Variants in LARGE1 observed in about 807,000 individuals in gnomAD.
LARGE1 encodes LARGE xylosyl- and glucuronyltransferase 1.
Under a neutral mutation model 87.6 loss-of-function variants are expected in LARGE1, and 43 were observed. The observed-to-expected ratio is 0.49, with a 90% CI of 0.38 to 0.63. LARGE1 has a LOEUF of 0.63. LARGE1 is among the 30% of genes least tolerant of loss of function. The pLI is 0.00. For missense variants in LARGE1, 802 were observed against 1,000.2 expected (o/e 0.80, Z 2.67); for synonymous variants, 434 against 394.6 (o/e 1.10, Z -1.18).
downstream of LARGE1, among the ~76,000 whole-genome samples, chr22:33,158,826 G>A (rs547116946): frequency 6.6e-6 from 1 of 152,274 alleles, no homozygotes; most frequent in African/African-American, 2.4e-5. Flanking sequence ...AGATATGGCA[G>A]ATAGAATAGG....
intron 1 of LARGE1, among the ~76,000 whole-genome samples, chr22:33,910,075 A>G (rs999513490): frequency 2.6e-5 from 4 of 152,200 alleles, no homozygotes; most frequent in South Asian, 4.1e-4. Context: ...CAGTGCACAC[A>G]TCCATTCACT....
chr22:33,770,799 C>T (rs1208344668), intron 1 of LARGE1, among the ~76,000 whole-genome samples: 1 of 151,960 alleles, frequency 6.6e-6, no homozygotes, highest in African/African-American at 2.4e-5. Flanking sequence ...ACATACAATC[C>T]CCCACATCAC....
chr22:33,397,123 C>CT (rs936358473), intron 7 of LARGE1, among the ~76,000 whole-genome samples: 8 of 151,076 alleles, frequency 5.3e-5, no homozygotes, highest in Admixed American at 1.3e-4. Context: ...TTTTTTCTTT[C>CT]TTTTTTTTTG....
intron 13 of LARGE1, among the ~76,000 whole-genome samples, chr22:33,281,615 C>G (rs763417433): frequency 2.2e-4 from 33 of 152,252 alleles, no homozygotes; most frequent in Admixed American, 1.0e-3. Flanking sequence ...AATCACGGTG[C>G]CTGGCACATG....
At chr22:33,471,544 T>G (rs891688871) in intron 6 of LARGE1, among the ~76,000 whole-genome samples, 1 of 152,164 alleles carries the variant, frequency 6.6e-6, no homozygotes, top group African/African-American at 2.4e-5. Flanking sequence ...TGTATTTTAT[T>G]TATTGCTTAT....
intron 2 of LARGE1, among the ~76,000 whole-genome samples, chr22:33,722,654 G>C (rs1020765411): frequency 6.6e-6 from 1 of 152,098 alleles, no homozygotes; most frequent in African/African-American, 2.4e-5. Flanking sequence ...GCACGTTATA[G>C]TAAGTCACCC....
At position 33,382,042 on chromosome 22, in the gene LARGE1, A is replaced by G. The variant is rs115076367; in HGVS notation, c.1008T>C (p.Asp336=). ...TTTGTTTGATGACGGCATTGAAAAT[A>G]TCCTGGGGGATGAAAGCCAAAGACA... ...GMLSTSLADQ[D]IFNAVIKQNP... Residue 336 remains aspartate, a splice_region_variant and synonymous_variant, in exon 9 of 15, where the codon GAT becomes GAC. Coordinates refer to ENST00000397394, the MANE Select transcript of LARGE1 (RefSeq NM_133642.5). The G allele has an allele frequency of 1.3e-3, 2,101 of 1,614,104 alleles. 40 individuals are homozygous for G. The East Asian group carries it at 0.037, about 29-fold the overall frequency.
At chr22:33,408,183 C>A (rs1057506445) in intron 7 of LARGE1, among the ~76,000 whole-genome samples, 1 of 151,964 alleles carries the variant, frequency 6.6e-6, no homozygotes, top group Non-Finnish European at 1.5e-5. Flanking sequence ...CGGGGTTTTG[C>A]CATGTTGGCC....
At chr22:33,120,408 T>TTCTTTCTC in the LARGE1 span, among the ~76,000 whole-genome samples, 1 of 88,370 alleles carries the variant, frequency 1.1e-5, no homozygotes, top group Non-Finnish European at 2.2e-5. Context: ...CTTTCTTTCT[T>TTCTTTCTC]TCCTTCTTTC....
At chr22:33,393,732 A>C (rs1337383442) in intron 7 of LARGE1, among the ~76,000 whole-genome samples, 1 of 152,240 alleles carries the variant, frequency 6.6e-6, no homozygotes, top group East Asian at 1.9e-4. Context: ...CTTGCCCCTG[A>C]GTGCTCTGCA....
chr22:33,776,826 G>A (rs1236896623), intron 1 of LARGE1, among the ~76,000 whole-genome samples: 1 of 152,154 alleles, frequency 6.6e-6, no homozygotes, highest in African/African-American at 2.4e-5. Flanking sequence ...AAATGATACA[G>A]GGAAGACAGC....
At chr22:33,748,837 T>C (rs948392035) in intron 2 of LARGE1, among the ~76,000 whole-genome samples, 3 of 152,188 alleles carry the variant, frequency 2.0e-5, no homozygotes, top group Non-Finnish European at 4.4e-5. Flanking sequence ...AGCTGCAGTA[T>C]GTTAGGAAGT....
chr22:33,695,358 C>G (rs2082212241), intron 2 of LARGE1, among the ~76,000 whole-genome samples: 1 of 152,186 alleles, frequency 6.6e-6, no homozygotes, highest in African/African-American at 2.4e-5. Flanking sequence ...TCCACCTTGG[C>G]CTCCCAAAGT....
chr22:33,614,081 G>GTT (rs113272301), intron 4 of LARGE1, among the ~76,000 whole-genome samples: 19 of 149,590 alleles, frequency 1.3e-4, no homozygotes, highest in African/African-American at 4.6e-4. Context: ...AAAACTGCCT[G>GTT]TTTTTTTTTT....
chr22:33,728,325 G>T (rs2083334366), intron 2 of LARGE1, among the ~76,000 whole-genome samples: 1 of 152,014 alleles, frequency 6.6e-6, no homozygotes, highest in Non-Finnish European at 1.5e-5. Flanking sequence ...GATCACTTGA[G>T]GTCAGGAGTT....
chr22:33,436,244 T>C (rs575274742), intron 6 of LARGE1, among the ~76,000 whole-genome samples: 9 of 152,354 alleles, frequency 5.9e-5, no homozygotes, highest in East Asian at 3.9e-4. Flanking sequence ...AATGACTTCA[T>C]ACATGTTAAG....
chr22:33,355,451 G>A (rs549709809), intron 9 of LARGE1, among the ~76,000 whole-genome samples: 1 of 152,274 alleles, frequency 6.6e-6, no homozygotes, highest in South Asian at 2.1e-4. Context: ...GTGTTTTGCA[G>A]CCCTTTCCTC....
intron 6 of LARGE1, among the ~76,000 whole-genome samples, chr22:33,512,524 C>T (rs1479660255): frequency 1.3e-5 from 2 of 152,182 alleles, no homozygotes; most frequent in Non-Finnish European, 2.9e-5. Context: ...AATGGTGGGC[C>T]AGGCGCAGTG....
At chr22:33,198,230 AT>A (rs1310674820) in intron 11 of LARGE1, among the ~76,000 whole-genome samples, 2 of 152,156 alleles carry the variant, frequency 1.3e-5, no homozygotes, top group African/African-American at 4.8e-5. Flanking sequence ...AAAAATACTA[AT>A]GAATTGAATT....
Sources: gnomAD v4.1 joint callset for allele counts (sites outside exome capture counted in the v4.1 genomes callset) on GRCh38, gnomAD v4.1.1 for gene constraint, MANE v1.5 for transcripts, NCBI Gene and HGNC (gene_info 2026-07-23, HGNC 2026-07-21) for gene names.